The following ZFP37 variants were observed in gnomAD, a reference collection of about 807,000 sequenced individuals.
ZFP37 encodes zinc finger protein 37 homolog.
ZFP37 carries 38 observed loss-of-function variants against 52.1 expected under a neutral mutation model. That is an observed-to-expected ratio of 0.73 (90% CI 0.56 to 0.96). The LOEUF is 0.96. Ranked by LOEUF, ZFP37 falls within the 40% of genes least tolerant of loss-of-function variation. The probability of loss-of-function intolerance (pLI) is 0.00; values close to 1 mark genes in which losing one functional copy is unlikely to be tolerated. For synonymous variants in ZFP37, 253 were observed against 259.5 expected (o/e 0.98, Z 0.24); for missense variants, 695 against 741.4 (o/e 0.94, Z 0.73).
In ZFP37 at chr9:113,049,849, A is replaced by C. The variant is rs1334251981; in HGVS notation, c.156T>G (p.Ala52=). Residue 52 remains alanine (A), a synonymous_variant, in exon 2 of 4, where the codon GCT becomes GCG. Transcript: ENST00000374227. ...SAAEWKQLDP[A]QSNLYNDVML... Reference sequence around the variant, plus strand: ...TCACATCATTATACAGGTTGCTCTGAGCAGGATCCAGTTGCTTCCATTCCT... The same window carrying C: ...TCACATCATTATACAGGTTGCTCTGCGCAGGATCCAGTTGCTTCCATTCCT... The C allele has an allele frequency of 6.2e-7, 1 of 1,613,946 alleles. No individual in the cohort carries two copies. Among genetic ancestry groups the C allele is most frequent in the Non-Finnish European group, 8.5e-7 (1 of 1,179,958 alleles).
In ZFP37 at chr9:113,038,779, TCAAAA is replaced by T. The variant is rs1828803059; in HGVS notation, c.*3941_*3945del. 6.6e-6 allele frequency: 1 copy of T among 151,298 alleles called. No homozygotes were observed. The highest frequency in any genetic ancestry group is 2.4e-5 in the African/African-American group (1 of 41,366). 9.4% of individuals were successfully genotyped at this position (151,298 alleles called of 1,614,324 possible). A position where few individuals can be genotyped will look rare whatever the true frequency, so the allele number is the denominator to read the frequency against. The stretch of plus-strand genomic sequence containing the variant: ...CAGTCTGGGTGACAGAGACTTTGTC[TCAAAA>T]CAAAATAAAACAAAAAAAGAAAGAT... On this transcript the variant is annotated 3_prime_UTR_variant, in exon 4 of 4. Transcript: ENST00000374227.
At chr9:113,055,800 T>G (rs147085965) in intron 1 of ZFP37, among the ~76,000 whole-genome samples, 1 of 152,276 alleles carries the variant, frequency 6.6e-6, no homozygotes, top group African/African-American at 2.4e-5. Context: ...CTGACCCCCT[T>G]AGACTTCTAG....
Position 113,043,533 on chromosome 9 carries a change from T to C in ZFP37, c.1085A>G (p.His362Arg), listed in dbSNP as rs1010350397. ...AATTCTTAGATGGTCAGTGAGTGCA[T>C]GTTTATGACCATGGGCTTTGCCACA... ...IQCGKAHGHK[H>R]ALTDHLRIHT... The change falls in exon 4 of 4, where the codon CAT becomes CGT. Residue 362 changes from histidine (H) to arginine (R), a missense_variant. Coordinates refer to ENST00000374227, the MANE Select transcript of ZFP37 (RefSeq NM_003408.3). 1.4e-5 allele frequency: 22 copies of C among 1,613,938 alleles called. No homozygotes were observed. Among genetic ancestry groups the C allele is most frequent in the Non-Finnish European group, 1.9e-5 (22 of 1,179,946 alleles).
chr9:113,054,488 C>T (rs1829108377), intron 1 of ZFP37, among the ~76,000 whole-genome samples: 1 of 152,154 alleles, frequency 6.6e-6, no homozygotes, highest in Non-Finnish European at 1.5e-5. Context: ...CCCTAGCTCA[C>T]CCCTTTCCTA....
rs753711709 is a variant in ZFP37, at chr9:113,043,510, T to C, written c.1108A>G (p.Ile370Val). The change falls in exon 4 of 4, where the codon ATT becomes GTT. Residue 370 changes from isoleucine (I) to valine (V), a missense_variant. Coordinates refer to ENST00000374227, the MANE Select transcript of ZFP37 (RefSeq NM_003408.3). ...TCATAGGGCTTTTCTCCAGTATGAA[T>C]TCTTAGATGGTCAGTGAGTGCATGT... is the stretch of plus-strand genomic sequence containing the variant. Reference protein sequence around the residue: ...HKHALTDHLRIHTGEKPYECA... With the variant: ...HKHALTDHLRVHTGEKPYECA... The C allele has an allele frequency of 3.3e-5, 53 of 1,614,008 alleles. No individual in the cohort carries two copies. The highest frequency in any genetic ancestry group is 8.3e-5 in the Admixed American group (5 of 60,006).
rs1207641970 is a variant in ZFP37, at chr9:113,043,334, T to C, written c.1284A>G (p.Thr428=). Residue 428 remains threonine, a synonymous_variant, in exon 4 of 4, where the codon ACA becomes ACG. Coordinates refer to ENST00000374227, the MANE Select transcript of ZFP37 (RefSeq NM_003408.3). ...CATTGCATTCATATGGTATTTCACC[T>C]GTATGTGTTCTCACATGTTCGGTAA... ...SSLTEHVRTH[T]GEIPYECNEC... is the part of the protein sequence containing the mutation. 1.2e-6 allele frequency: 2 copies of C among 1,614,100 alleles called. No homozygotes were observed. Among genetic ancestry groups the C allele is most frequent in the East Asian group, 2.2e-5 (1 of 44,870 alleles).
intron 3 of ZFP37, among the ~76,000 whole-genome samples, chr9:113,048,263 A>G (rs186459492): frequency 6.6e-6 from 1 of 152,322 alleles, no homozygotes; most frequent in Admixed American, 6.5e-5. Flanking sequence ...TGTGCTATAG[A>G]TCATGGGTCT....
chr9:113,051,246 T>TA (rs565387699), intron 1 of ZFP37, among the ~76,000 whole-genome samples: 21 of 152,028 alleles, frequency 1.4e-4, no homozygotes, highest in African/African-American at 1.9e-4. Context: ...GGTATGATAT[T>TA]AAAAAATAAG....
rs1004063682 is a variant in ZFP37 at position 113,041,862 on chromosome 9, C to T, written c.*863G>A. 1 of 152,130 alleles carries T rather than the reference C, an allele frequency of 6.6e-6. No individual in the cohort carries two copies. Among genetic ancestry groups the T allele is most frequent in the African/African-American group, 2.4e-5 (1 of 41,422 alleles). 9.4% of individuals were successfully genotyped at this position (152,130 alleles called of 1,614,324 possible). ...TTTAATTATAAAAATAATACATGTG[C>T]ATGATTTAAAAATCCAAATATACAA... On this transcript the variant is annotated 3_prime_UTR_variant, in exon 4 of 4. Coordinates refer to ENST00000374227, the MANE Select transcript of ZFP37 (RefSeq NM_003408.3).
At chr9:113,046,511 A>G (rs932644665) in intron 3 of ZFP37, among the ~76,000 whole-genome samples, 2 of 152,168 alleles carry the variant, frequency 1.3e-5, no homozygotes, top group Admixed American at 1.3e-4. Context: ...AACCTTTACA[A>G]TGATGAATTT....
rs1829146152 is a variant in ZFP37, at chr9:113,056,472, C to T, written c.132+85G>A. ...TCGATTCCACCAATTCCCAAATCAC[C>T]TATCGTCACAGACTACTCCAATCAC... On this transcript the variant is annotated intron_variant, in intron 1 of 3. Coordinates refer to ENST00000374227, the MANE Select transcript of ZFP37 (RefSeq NM_003408.3). 9.6e-6 allele frequency: 15 copies of T among 1,557,582 alleles called. No homozygotes were observed. The South Asian group carries it at 1.8e-4, about 18-fold the overall frequency.
At chr9:113,046,094 T>A (rs1437159278) in intron 3 of ZFP37, among the ~76,000 whole-genome samples, 1 of 151,560 alleles carries the variant, frequency 6.6e-6, no homozygotes, top group Non-Finnish European at 1.5e-5. Context: ...AGAGATTAAT[T>A]CCCATGTTGC....
intron 1 of ZFP37, 109 bp downstream of exon 1, chr9:113,056,448 C>T: frequency 6.6e-7 from 1 of 1,524,950 alleles, no homozygotes; most frequent in Non-Finnish European, 8.8e-7. Context: ...CATCTAGCAT[C>T]GATTCCACCA....
chr9:113,043,853 A>G lies in ZFP37; in HGVS notation c.765T>C (p.His255=). Residue 255 remains histidine (H), a synonymous_variant, in exon 4 of 4, where the codon CAT becomes CAC. Coordinates refer to ENST00000374227, the MANE Select transcript of ZFP37 (RefSeq NM_003408.3). ...TGTCCTGTTTAATATGGGATGAACT[A>G]TGACAGCATAATTTGTCATGTTTTT... ...TGKKHDKLCC[H]SSSHIKQDKI... 6.2e-7 allele frequency: 1 copy of G among 1,614,064 alleles called. No individual in the cohort carries two copies. Among genetic ancestry groups the G allele is most frequent in the Admixed American group, 1.7e-5 (1 of 60,022 alleles).
chr9:113,049,394 A>C lies in ZFP37; in HGVS notation c.317T>G (p.Ile106Arg). The C allele has an allele frequency of 6.2e-7, 1 of 1,614,036 alleles. No homozygotes were observed. The highest frequency in any genetic ancestry group is 8.5e-7 in the Non-Finnish European group (1 of 1,179,984). The change falls in exon 3 of 4, where the codon ATA (isoleucine) becomes AGA (arginine). Residue 106 changes from isoleucine (I) to arginine (R), a missense_variant. Physicochemically the swap from Ile to Arg is moderately conservative, Grantham distance 97. Transcript: ENST00000374227. ...KRPSQGCPSK[I>R]ARPKQKETDG... ...AGTTTCTTTTTGCTTGGGTCTTGCT[A>C]TTTTACTTGGACAACCTTGACTGGG...
rs990637777 is a variant in ZFP37, at chr9:113,040,514, A to T, written c.*2211T>A. 1 of 152,266 alleles carries T rather than the reference A, an allele frequency of 6.6e-6. No homozygotes were observed. The highest frequency in any genetic ancestry group is 1.5e-5 in the Non-Finnish European group (1 of 68,044). The allele number at this position is 152,266 out of a possible 1,614,324, so 9.4% of individuals were successfully genotyped here. A position where few individuals can be genotyped will look rare whatever the true frequency, so the allele number is the denominator to read the frequency against. ...CCCGTGCATGTGTATGCATGTGTGCACATGCACATACACGAACACATATTC... is the reference window on the plus strand; with the variant it reads ...CCCGTGCATGTGTATGCATGTGTGCTCATGCACATACACGAACACATATTC... On this transcript the variant is annotated 3_prime_UTR_variant, in exon 4 of 4. Transcript: ENST00000374227.
intron 1 of ZFP37, among the ~76,000 whole-genome samples, chr9:113,051,916 C>A (rs1318421847): frequency 6.6e-6 from 1 of 152,136 alleles, no homozygotes; most frequent in Non-Finnish European, 1.5e-5. Flanking sequence ...TCCAAAATGA[C>A]TGGGTAAAGC....
At chr9:113,050,201 A>C (rs1195046809) in intron 1 of ZFP37, among the ~76,000 whole-genome samples, 1 of 152,128 alleles carries the variant, frequency 6.6e-6, no homozygotes, top group East Asian at 1.9e-4. Context: ...CCTGGGCAAC[A>C]TGGCAAAACT....
chr9:113,049,186 G>C (rs1320135971), intron 3 of ZFP37, among the ~76,000 whole-genome samples, 176 bp downstream of exon 3: 2 of 152,122 alleles, frequency 1.3e-5, no homozygotes, highest in East Asian at 3.8e-4. Flanking sequence ...GTTCATAAAA[G>C]GAAGAGATAT....
Sources: allele counts gnomAD v4.1 joint callset (sites outside exome capture counted in the v4.1 genomes callset), GRCh38; gene constraint gnomAD v4.1.1; transcripts MANE v1.5; gene names NCBI Gene and HGNC (gene_info 2026-07-23, HGNC 2026-07-21).